CFAP90: variants seen among roughly 807,000 people sequenced by gnomAD.
The protein encoded by CFAP90 is cilia and flagella associated protein 90.
chr5:7,839,643 A>T, the CFAP90 span, among the ~76,000 whole-genome samples: 1 of 152,232 alleles, frequency 6.6e-6, no homozygotes, highest in South Asian at 2.1e-4. Context: ...CTGAAACACT[A>T]TAAAAGTAAC....
the CFAP90 span, among the ~76,000 whole-genome samples, chr5:7,839,017 T>C: frequency 1.3e-5 from 2 of 152,220 alleles, no homozygotes; most frequent in African/African-American, 4.8e-5. Context: ...CTTATAGTTC[T>C]GTGTGGATGA....
the CFAP90 span, chr5:7,832,132 G>A: frequency 2.5e-6 from 3 of 1,184,890 alleles, no homozygotes; most frequent in Admixed American, 4.0e-5. Context: ...TTCTGCCTGG[G>A]TCCCACCATG....
At chr5:7,832,337 G>T in the CFAP90 span, among the ~76,000 whole-genome samples, 1 of 151,958 alleles carries the variant, frequency 6.6e-6, no homozygotes, top group African/African-American at 2.4e-5. Flanking sequence ...GCTGCTGCTG[G>T]TCCCTTCCCA....
At chr5:7,840,620 T>C in the CFAP90 span, among the ~76,000 whole-genome samples, 1 of 152,214 alleles carries the variant, frequency 6.6e-6, no homozygotes, top group Non-Finnish European at 1.5e-5. Context: ...ACCACACTGC[T>C]GTACTTAGAA....
the CFAP90 span, among the ~76,000 whole-genome samples, chr5:7,844,957 C>T: frequency 6.6e-6 from 1 of 152,158 alleles, no homozygotes; most frequent in Non-Finnish European, 1.5e-5. Flanking sequence ...CATTTTTGCA[C>T]TGCTATAAAG....
chr5:7,838,811 A>T, the CFAP90 span, among the ~76,000 whole-genome samples: 2 of 152,138 alleles, frequency 1.3e-5, no homozygotes, highest in African/African-American at 2.4e-5. Flanking sequence ...AGCTACACCC[A>T]TGGCCAAGAA....
chr5:7,836,623 G>A, the CFAP90 span, among the ~76,000 whole-genome samples: 1 of 152,168 alleles, frequency 6.6e-6, no homozygotes, highest in Non-Finnish European at 1.5e-5. Context: ...TGGGCTTGGA[G>A]AAGATACAAT....
the CFAP90 span, among the ~76,000 whole-genome samples, chr5:7,836,546 G>A: frequency 4.6e-5 from 7 of 152,270 alleles, no homozygotes; most frequent in East Asian, 3.9e-4. Flanking sequence ...TTCTTCATAC[G>A]AGAAAGGAAG....
At chr5:7,831,784 C>G in the CFAP90 span, 1 of 1,503,900 alleles carries the variant, frequency 6.6e-7, no homozygotes, top group Admixed American at 1.8e-5. Context: ...CAGATGCCAC[C>G]TTCTCGCTGT....
At chr5:7,835,440 T>A in the CFAP90 span, 1 of 1,608,762 alleles carries the variant, frequency 6.2e-7, no homozygotes, top group Non-Finnish European at 8.5e-7. Flanking sequence ...TCGGTGCAAC[T>A]TCTGATCATA....
chr5:7,831,996 A>G, the CFAP90 span: 108 of 1,612,662 alleles, frequency 6.7e-5, no homozygotes, highest in Non-Finnish European at 9.0e-5. Flanking sequence ...CCATAGACAG[A>G]AGACGTCAGC....
chr5:7,850,431 C>T, the CFAP90 span, among the ~76,000 whole-genome samples: 5 of 151,912 alleles, frequency 3.3e-5, no homozygotes, highest in African/African-American at 4.8e-5. Flanking sequence ...CGATCCCTAG[C>T]GGTGCAGCCC....
chr5:7,839,981 C>A, the CFAP90 span, among the ~76,000 whole-genome samples: 1 of 150,704 alleles, frequency 6.6e-6, no homozygotes, highest in South Asian at 2.1e-4. Context: ...CTTTTTTTTT[C>A]TTTTATTCTC....
chr5:7,830,967 TG>T, the CFAP90 span: 1 of 152,290 alleles, frequency 6.6e-6, no homozygotes, highest in East Asian at 1.9e-4. Flanking sequence ...GGGCACTGGG[TG>T]GGGCACACAC....
chr5:7,835,130 A>C, the CFAP90 span, among the ~76,000 whole-genome samples: 3 of 152,204 alleles, frequency 2.0e-5, no homozygotes, highest in Admixed American at 6.5e-5. Flanking sequence ...TTATGTCTGA[A>C]AAATGTACAG....
the CFAP90 span, among the ~76,000 whole-genome samples, chr5:7,848,271 C>T: frequency 6.6e-6 from 1 of 152,048 alleles, no homozygotes; most frequent in African/African-American, 2.4e-5. Flanking sequence ...AGAGGATAAT[C>T]GAGCCTGGGA....
the CFAP90 span, among the ~76,000 whole-genome samples, chr5:7,845,525 G>A: frequency 6.2e-3 from 951 of 152,258 alleles, 22 homozygotes; most frequent in African/African-American, 0.021. Flanking sequence ...GAGGGAAAGC[G>A]GATTCTAAAA....
the CFAP90 span, among the ~76,000 whole-genome samples, chr5:7,846,474 G>T: frequency 2.0e-5 from 3 of 152,168 alleles, no homozygotes; most frequent in African/African-American, 7.2e-5. Context: ...TACATGACAC[G>T]TTCTCATTGT....
At chr5:7,834,399 A>T in the CFAP90 span, among the ~76,000 whole-genome samples, 275 of 152,360 alleles carry the variant, frequency 1.8e-3, 1 homozygote, top group South Asian at 0.015. Context: ...GTTACTACAA[A>T]AGAGTCATAA....
Sources: allele counts gnomAD v4.1 joint callset (sites outside exome capture counted in the v4.1 genomes callset), GRCh38; gene constraint gnomAD v4.1.1; transcripts MANE v1.5; gene names NCBI Gene and HGNC (gene_info 2026-07-23, HGNC 2026-07-21).